Variants in DNAAF11 observed in about 807,000 individuals in gnomAD.
DNAAF11 encodes dynein axonemal assembly factor 11.
Under a neutral mutation model 60.8 loss-of-function variants are expected in DNAAF11, and 45 were observed. The ratio of observed to expected loss-of-function variants is 0.74; its 90% CI spans 0.58 to 0.95. The LOEUF is 0.95. Ranked by LOEUF, DNAAF11 falls within the 40% of genes least tolerant of loss-of-function variation. The pLI, the probability that DNAAF11 is intolerant of heterozygous loss-of-function variation, is 0.00. For missense variants in DNAAF11, 546 were observed against 546.2 expected (o/e 1.00, Z 0.00); for synonymous variants, 191 against 183.5 (o/e 1.04, Z -0.33).
At chr8:132,604,906 T>C (rs909376627) in intron 10 of DNAAF11, among the ~76,000 whole-genome samples, 9 of 152,142 alleles carry the variant, frequency 5.9e-5, no homozygotes, top group Non-Finnish European at 1.3e-4. Flanking sequence ...GACACATTAT[T>C]GAATATCCAA....
chr8:132,668,066 T>A (rs1385444721), intron 1 of DNAAF11, among the ~76,000 whole-genome samples: 1 of 152,164 alleles, frequency 6.6e-6, no homozygotes, highest in Non-Finnish European at 1.5e-5. Flanking sequence ...CATTCAGACA[T>A]CTTGAAAGAC....
At position 132,632,787 on chromosome 8, in the gene DNAAF11, A is replaced by T. The variant is rs568785915; in HGVS notation, c.606T>A (p.Ser202Arg). 6.2e-7 allele frequency: 1 copy of T among 1,613,958 alleles called. No individual in the cohort carries two copies. Among genetic ancestry groups the T allele is most frequent in the East Asian group, 2.2e-5 (1 of 44,864 alleles). ...ACCAACGTCCATCAAAGCCTGCGTT[A>T]CTTCTCTTGTCTTCATTTTTATCCT... is the stretch of plus-strand genomic sequence containing the variant. ...QEEDKNEDKR[S>R]NAGFDGRWYT... The change falls in exon 5 of 12, where the codon AGT (serine) becomes AGA (arginine). Residue 202 changes from serine to arginine, a missense_variant. Transcript: ENST00000620350.
intron 10 of DNAAF11, among the ~76,000 whole-genome samples, chr8:132,584,857 A>G (rs758212785): frequency 1.3e-5 from 2 of 152,272 alleles, no homozygotes; most frequent in Middle Eastern, 3.4e-3. Context: ...TCAAGGGTCT[A>G]TCATCATCTG....
chr8:132,693,062 G>A, the DNAAF11 span, among the ~76,000 whole-genome samples: 1 of 152,192 alleles, frequency 6.6e-6, no homozygotes, highest in Admixed American at 6.5e-5. Flanking sequence ...CATCATGCTG[G>A]TGAGTGAGCC....
intron 7 of DNAAF11, among the ~76,000 whole-genome samples, chr8:132,619,248 TGAG>T (rs1819512950): frequency 7.3e-6 from 1 of 136,394 alleles, no homozygotes; most frequent in Non-Finnish European, 1.5e-5. Flanking sequence ...AATTGAACAA[TGAG>T]AACACATGGA....
At chr8:132,656,951 T>C (rs1159428259) in intron 2 of DNAAF11, 44 bp from the exon 3 acceptor site, 8 of 697,028 alleles carry the variant, frequency 1.1e-5, no homozygotes, top group African/African-American at 1.9e-5. Context: ...ATCTTCAAAA[T>C]AAAGACACTT....
Position 132,661,445 on chromosome 8 carries a change from A to G in DNAAF11, c.178+15T>C. On this transcript the variant is annotated intron_variant, in intron 2 of 11. Transcript: ENST00000620350. ...AATGTTCAAGAAACCATGAGAACTAAGTACTGAAACTTACCAATTTTCCCA... is the reference window on the plus strand; with the variant it reads ...AATGTTCAAGAAACCATGAGAACTAGGTACTGAAACTTACCAATTTTCCCA... 2 of 1,597,752 alleles carry G rather than the reference A, an allele frequency of 1.3e-6. No homozygotes were observed. Among genetic ancestry groups the G allele is most frequent in the Non-Finnish European group, 1.7e-6 (2 of 1,169,088 alleles).
Position 132,646,764 on chromosome 8 carries a change from T to G in DNAAF11, c.257-8657A>C, listed in dbSNP as rs13282295. Among the ~76,000 whole-genome samples the G allele has an allele frequency of 3.1e-3, 479 of 152,096 alleles. 3 individuals are homozygous for G. The highest frequency in any genetic ancestry group is 0.011 in the African/African-American group (464 of 41,482). ...GACAAAGAAGGCCATTACATAATGG[T>G]AAAGGGATCAATTCAACAAGAAGAG... On this transcript the variant is annotated intron_variant, in intron 3 of 11. Transcript: ENST00000620350.
chr8:132,611,341 C>G lies in DNAAF11; in HGVS notation c.997G>C (p.Asp333His). 19 of 1,609,440 alleles carry G rather than the reference C, an allele frequency of 1.2e-5. No individual in the cohort carries two copies. Among genetic ancestry groups the G allele is most frequent in the Non-Finnish European group, 1.6e-5 (19 of 1,176,288 alleles). The change falls in exon 9 of 12, where the codon GAT (aspartate) becomes CAT (histidine). Residue 333 changes from aspartate to histidine, a missense_variant. Physicochemically the swap from Asp to His is moderately conservative, Grantham distance 81 (BLOSUM62 -1). Coordinates refer to ENST00000620350, the MANE Select transcript of DNAAF11 (RefSeq NM_012472.6). The part of the protein sequence containing the change: ...VYRYMDTSLI[D>H]VDVQPTYVRV... ...ACGTAAGTTGGTTGCACATCAACAT[C>G]GATTAAAGAGGTATCCATATACCTT... is the stretch of plus-strand genomic sequence containing the variant.
At position 132,667,076 on chromosome 8, in the gene DNAAF11, C is replaced by T. The variant is rs1245381546; in HGVS notation, c.11-5449G>A. Among the ~76,000 whole-genome samples, 3 of 152,154 alleles carry T rather than the reference C, an allele frequency of 2.0e-5. No homozygotes were observed. The East Asian group carries it at 5.8e-4, about 29-fold the overall frequency. On this transcript the variant is annotated intron_variant, in intron 1 of 11. Coordinates refer to ENST00000620350, the MANE Select transcript of DNAAF11 (RefSeq NM_012472.6). The stretch of plus-strand genomic sequence containing the variant: ...AATTGGGAGATATAAAAAAGCTAGG[C>T]AAGTTTGAGTCCATTGTAAAGAGCC...
At chr8:132,633,197 A>G (rs1431012349) in intron 4 of DNAAF11, among the ~76,000 whole-genome samples, 1 of 152,146 alleles carries the variant, frequency 6.6e-6, no homozygotes, top group Non-Finnish European at 1.5e-5. Context: ...GTTAAAACTG[A>G]TAATTAATAC....
chr8:132,622,777 G>C (rs560891117), intron 6 of DNAAF11, 89 bp from the exon 7 acceptor site: 10 of 922,084 alleles, frequency 1.1e-5, no homozygotes, highest in Non-Finnish European at 1.6e-5. Context: ...ACATTTTTGT[G>C]AAACAGTTTT....
At chr8:132,623,483 T>C (rs1819958835) in intron 6 of DNAAF11, among the ~76,000 whole-genome samples, 1 of 151,060 alleles carries the variant, frequency 6.6e-6, no homozygotes, top group African/African-American at 2.4e-5. Flanking sequence ...CACTGAAGGG[T>C]TGGATAGGAG....
chr8:132,625,136 G>A (rs1169719095), intron 6 of DNAAF11, 136 bp downstream of exon 6: 1 of 547,652 alleles, frequency 1.8e-6, no homozygotes, highest in Non-Finnish European at 3.1e-6. Context: ...TCAACAAAAA[G>A]CTATACTTAG....
At chr8:132,624,379 C>T (rs779985418) in intron 6 of DNAAF11, among the ~76,000 whole-genome samples, 3 of 152,180 alleles carry the variant, frequency 2.0e-5, no homozygotes, top group Non-Finnish European at 4.4e-5. Flanking sequence ...CATACATAAT[C>T]TTATTCAATG....
chr8:132,610,106 C>A (rs1818503549), intron 10 of DNAAF11, 60 bp downstream of exon 10: 1 of 1,212,876 alleles, frequency 8.2e-7, no homozygotes, highest in South Asian at 1.2e-5. Context: ...CCTGACAGGT[C>A]AAGTTCCTTC....
intron 6 of DNAAF11, among the ~76,000 whole-genome samples, chr8:132,623,600 T>C (rs1182858573): frequency 6.6e-6 from 1 of 152,186 alleles, no homozygotes; most frequent in African/African-American, 2.4e-5. Context: ...GAACCTTAAA[T>C]AGGCAAATAT....
At chr8:132,689,756 C>T in the DNAAF11 span, among the ~76,000 whole-genome samples, 1 of 152,158 alleles carries the variant, frequency 6.6e-6, no homozygotes, top group Admixed American at 6.5e-5. Flanking sequence ...CAGTGTCTCA[C>T]TCTGCCACCC....
intron 1 of DNAAF11, among the ~76,000 whole-genome samples, chr8:132,666,688 G>A (rs1237984994): frequency 6.6e-6 from 1 of 152,204 alleles, no homozygotes; most frequent in Non-Finnish European, 1.5e-5. Flanking sequence ...CAGTGCAAAG[G>A]CCAGGAAGCA....
Sources: gnomAD v4.1 joint callset for allele counts (sites outside exome capture counted in the v4.1 genomes callset) on GRCh38, gnomAD v4.1.1 for gene constraint, MANE v1.5 for transcripts, NCBI Gene and HGNC (gene_info 2026-07-23, HGNC 2026-07-21) for gene names.